HNF4G: variants seen among roughly 807,000 people sequenced by gnomAD.
The protein encoded by HNF4G is hepatocyte nuclear factor 4-gamma.
Under a neutral mutation model 50.9 loss-of-function variants are expected in HNF4G, and 21 were observed. The ratio of observed to expected loss-of-function variants is 0.41; its 90% CI spans 0.29 to 0.59. The LOEUF (loss-of-function observed/expected upper bound fraction) is 0.59, where lower values mean the gene tolerates loss of function less well. Ranked by LOEUF, HNF4G falls within the 20% of genes least tolerant of loss-of-function variation. The pLI, the probability that HNF4G is intolerant of heterozygous loss-of-function variation, is 0.26. For synonymous variants in HNF4G, 198 were observed against 185.6 expected, an observed-to-expected ratio of 1.07 and a Z score of -0.54; for missense variants, 527 against 559.4, an observed-to-expected ratio of 0.94 and a Z score of 0.58.
At chr8:75,503,368 A>G (rs145628212) in intron 2 of HNF4G, among the ~76,000 whole-genome samples, 2,257 of 152,298 alleles carry the variant, frequency 0.015, 27 homozygotes, top group Non-Finnish European at 0.022. Flanking sequence ...GAGATGTCAC[A>G]GATTGATCAC....
chr8:75,531,276 A>G (rs1478564697), intron 2 of HNF4G, among the ~76,000 whole-genome samples: 1 of 152,184 alleles, frequency 6.6e-6, no homozygotes, highest in Non-Finnish European at 1.5e-5. Context: ...TACAGATAGA[A>G]AGAGCTCATC....
intron 1 of HNF4G, among the ~76,000 whole-genome samples, chr8:75,410,856 CAT>C (rs1810483464): frequency 6.6e-6 from 1 of 152,104 alleles, no homozygotes; most frequent in East Asian, 1.9e-4. Context: ...TCCTGACACT[CAT>C]ATAGAGACAT....
At chr8:75,427,640 A>G (rs1053648511) in intron 1 of HNF4G, among the ~76,000 whole-genome samples, 6 of 151,930 alleles carry the variant, frequency 3.9e-5, no homozygotes, top group East Asian at 1.9e-4. Context: ...AGTACTTTAC[A>G]GATAGCGAAT....
intron 1 of HNF4G, among the ~76,000 whole-genome samples, chr8:75,409,480 C>CTTTTTTTTTTTTTTTTT (rs5892492): frequency 1.5e-5 from 1 of 67,346 alleles, no homozygotes; most frequent in African/African-American, 6.0e-5. Context: ...GTGCCTTGTT[C>CTTTTTTTTTTTTTTTTT]TTTTTTTTTT....
At chr8:75,506,498 G>T (rs1176738961) in intron 2 of HNF4G, among the ~76,000 whole-genome samples, 1 of 152,064 alleles carries the variant, frequency 6.6e-6, no homozygotes, top group African/African-American at 2.4e-5. Flanking sequence ...GGAGAAATGG[G>T]TAACCTAATC....
intron 1 of HNF4G, among the ~76,000 whole-genome samples, chr8:75,449,509 C>CTTTTTTT (rs71271864): frequency 7.7e-6 from 1 of 129,334 alleles, no homozygotes; most frequent in Non-Finnish European, 1.6e-5. Context: ...ATATTTTTTT[C>CTTTTTTT]TTTTTTTTTT....
chr8:75,409,634 G>A (rs1026182199), intron 1 of HNF4G, among the ~76,000 whole-genome samples: 3 of 151,240 alleles, frequency 2.0e-5, no homozygotes, highest in Admixed American at 1.3e-4. Context: ...GATTACAGGC[G>A]CCCACCACCA....
At chr8:75,539,842 T>G (rs1465384949), upstream of HNF4G, 1 of 612,672 alleles carries the variant, frequency 1.6e-6, no homozygotes, top group Non-Finnish European at 3.0e-6. Flanking sequence ...ATTGCAGCTC[T>G]TAAGTCACTC....
chr8:75,552,299 A>G (rs73690966), intron 4 of HNF4G, among the ~76,000 whole-genome samples: 8,036 of 152,176 alleles, frequency 0.053, 263 homozygotes, highest in Middle Eastern at 0.071. Flanking sequence ...TTAGAGAATG[A>G]CCTAAAGGGG....
At chr8:75,460,934 A>G (rs1210488845) in intron 1 of HNF4G, among the ~76,000 whole-genome samples, 2 of 152,214 alleles carry the variant, frequency 1.3e-5, no homozygotes, top group Admixed American at 1.3e-4. Flanking sequence ...TTCTACAATT[A>G]GTACTTAATG....
chr8:75,548,361 T>C (rs1806852221), intron 3 of HNF4G, among the ~76,000 whole-genome samples: 1 of 152,192 alleles, frequency 6.6e-6, no homozygotes, highest in South Asian at 2.1e-4. Flanking sequence ...TGAATGAACA[T>C]CTACTTTTCA....
intron 1 of HNF4G, among the ~76,000 whole-genome samples, chr8:75,433,804 C>T (rs1227355142): frequency 6.6e-6 from 1 of 152,088 alleles, no homozygotes; most frequent in African/African-American, 2.4e-5. Context: ...AACTTTAACA[C>T]AACTGTATCA....
intron 1 of HNF4G, among the ~76,000 whole-genome samples, chr8:75,474,265 A>G (rs1812188895): frequency 2.0e-5 from 3 of 152,236 alleles, no homozygotes; most frequent in Non-Finnish European, 4.4e-5. Context: ...GTTTTAATCA[A>G]CAATGTGGCA....
chr8:75,542,967 C>A (rs540657238), intron 1 of HNF4G, among the ~76,000 whole-genome samples: 1 of 152,090 alleles, frequency 6.6e-6, no homozygotes, highest in African/African-American at 2.4e-5. Flanking sequence ...GGGCAGACCG[C>A]CTGCTGAGGT....
intron 1 of HNF4G, among the ~76,000 whole-genome samples, chr8:75,435,556 A>G (rs1811116008): frequency 6.6e-6 from 1 of 152,218 alleles, no homozygotes; most frequent in Admixed American, 6.5e-5. Context: ...GGCAAGAGAA[A>G]AAGCAACAAG....
chr8:75,478,071 G>T (rs925663360), intron 1 of HNF4G, among the ~76,000 whole-genome samples: 2 of 152,202 alleles, frequency 1.3e-5, no homozygotes, highest in African/African-American at 4.8e-5. Context: ...CACCACGTTG[G>T]GAGGCCGAGG....
chr8:75,414,220 T>C (rs956715516), intron 1 of HNF4G, among the ~76,000 whole-genome samples: 13 of 152,272 alleles, frequency 8.5e-5, no homozygotes, highest in African/African-American at 2.4e-4. Context: ...CCGTCATTAA[T>C]GTTGCCTTTT....
chr8:75,425,145 G>C (rs1810863607), intron 1 of HNF4G, among the ~76,000 whole-genome samples: 1 of 151,260 alleles, frequency 6.6e-6, no homozygotes, highest in South Asian at 2.1e-4. Flanking sequence ...GAGTGCAGTG[G>C]TGCAATCTCG....
chr8:75,524,748 G>A (rs952403770), intron 2 of HNF4G, among the ~76,000 whole-genome samples: 1 of 152,120 alleles, frequency 6.6e-6, no homozygotes, highest in African/African-American at 2.4e-5. Flanking sequence ...TAAGAAAAGT[G>A]TTATTTAGGA....
Sources: gnomAD v4.1 joint callset for allele counts (sites outside exome capture counted in the v4.1 genomes callset) on GRCh38, gnomAD v4.1.1 for gene constraint, MANE v1.5 for transcripts, NCBI Gene and HGNC (gene_info 2026-07-23, HGNC 2026-07-21) for gene names.